The following MYH14 variants were observed in gnomAD, a reference collection of about 807,000 sequenced individuals.
MYH14 encodes the protein myosin-14.
Under a neutral mutation model 255.5 loss-of-function variants are expected in MYH14, and 123 were observed. The observed-to-expected ratio is 0.48, with a 90% CI of 0.42 to 0.56. The LOEUF is 0.56. Ranked by LOEUF, MYH14 falls within the 20% of genes least tolerant of loss-of-function variation. MYH14 has a pLI of 0.00. For missense variants in MYH14, 2,423 were observed against 2,802.3 expected (o/e 0.86, Z 3.06); for synonymous variants, 1,095 against 1,161.2 (o/e 0.94, Z 1.16).
At chr19:50,236,312 G>T (rs1386919939) in intron 10 of MYH14, among the ~76,000 whole-genome samples, 2 of 152,070 alleles carry the variant, frequency 1.3e-5, no homozygotes, top group Non-Finnish European at 2.9e-5. Context: ...CAGCCTGGGC[G>T]ACAAAGTGAG....
intron 40 of MYH14, among the ~76,000 whole-genome samples, chr19:50,302,717 A>G (rs1304012103): frequency 6.6e-6 from 1 of 152,098 alleles, no homozygotes; most frequent in Non-Finnish European, 1.5e-5. Context: ...CCTGACCAAC[A>G]TGGAGAAACT....
At chr19:50,264,048 T>C (rs1419997201) in intron 22 of MYH14, among the ~76,000 whole-genome samples, 1 of 39,438 alleles carries the variant, frequency 2.5e-5, no homozygotes, top group Non-Finnish European at 4.6e-5. Context: ...ACAGCAAAAC[T>C]CTGTCTCAAA....
chr19:50,217,812 TCAACGGGGG>T, intron 3 of MYH14, 41 bp downstream of exon 3: 1 of 1,601,864 alleles, frequency 6.2e-7, no homozygotes, highest in Non-Finnish European at 8.5e-7. Context: ...AGGCGGCTCT[TCAACGGGGG>T]CCTGACCTGG....
intron 11 of MYH14, among the ~76,000 whole-genome samples, chr19:50,245,518 G>A (rs1398156978): frequency 6.6e-6 from 1 of 151,968 alleles, no homozygotes; most frequent in Non-Finnish European, 1.5e-5. Context: ...AGAGATAATT[G>A]CTGCTCACAT....
rs774041150 is a variant in MYH14, at chr19:50,309,138, C to T, written c.5921C>T (p.Ser1974Phe). The T allele has an allele frequency of 7.4e-6, 12 of 1,613,748 alleles. No homozygotes were observed. The highest frequency in any genetic ancestry group is 1.0e-5 in the Non-Finnish European group (12 of 1,179,828). Residue 1974 changes from serine to phenylalanine, a missense_variant, in exon 42 of 43, where the codon TCC (serine) becomes TTC (phenylalanine). Around this residue, in one of 3 missense-constraint regions of MYH14, gnomAD observed 1,513 missense variants for 1,674.8 expected, o/e 0.90. Transcript: ENST00000642316. ...GAAGATGTCACAGAGTCGGCCGAGT[C>T]CATGAACCGTGAAGTGACCACACTG... ...ELEDVTESAE[S>F]MNREVTTLRN...
At chr19:50,247,236 G>T in intron 12 of MYH14, 114 bp downstream of exon 12, 1 of 722,172 alleles carries the variant, frequency 1.4e-6, no homozygotes, top group Non-Finnish European at 2.4e-6. Context: ...CTGAGTGCCC[G>T]CTCCGTTACC....
Position 50,310,204 on chromosome 19 carries a change from C to T in MYH14, c.*414C>T. The T allele has an allele frequency of 3.8e-6, 1 of 264,464 alleles. No homozygotes were observed. The highest frequency in any genetic ancestry group is 7.2e-6 in the Non-Finnish European group (1 of 138,808). 16.4% of individuals were successfully genotyped at this position (264,464 alleles called of 1,614,324 possible). On this transcript the variant is annotated 3_prime_UTR_variant, in exon 43 of 43. Transcript: ENST00000642316. ...CTCTCTCTCTCTCTCCCTCCCTCTC[C>T]TTCCCTACCCTCTCACCATCTTTCT...
intron 13 of MYH14, 168 bp from the exon 14 acceptor site, chr19:50,249,482 C>T (rs1016419244): frequency 1.3e-6 from 1 of 767,040 alleles, no homozygotes; most frequent in South Asian, 1.8e-5. Flanking sequence ...GGCTCTGTCC[C>T]CTGTCTCTGG....
At chr19:50,229,939 G>C (rs1009115860) in intron 8 of MYH14, among the ~76,000 whole-genome samples, 1 of 152,146 alleles carries the variant, frequency 6.6e-6, no homozygotes, top group African/African-American at 2.4e-5. Context: ...TTTTGTGACA[G>C]AGTCTCACTC....
chr19:50,260,821 AAGTGTGTG>A (rs2034811288), intron 20 of MYH14, 106 bp downstream of exon 20: 21 of 765,056 alleles, frequency 2.7e-5, no homozygotes, highest in African/African-American at 5.9e-5. Context: ...GTGTGTGTGC[AAGTGTGTG>A]TGCATGCACG....
At chr19:50,278,636 C>T (rs1457668826) in intron 30 of MYH14, among the ~76,000 whole-genome samples, 2 of 151,640 alleles carry the variant, frequency 1.3e-5, no homozygotes, top group African/African-American at 2.4e-5. Flanking sequence ...CCTGGGAGGT[C>T]GAGGCTGCAA....
At position 50,273,601 on chromosome 19, in the gene MYH14, G is replaced by GTGTGTGTGTGTGTGTGTGTGTGTGT. The variant is rs1555772397; in HGVS notation, c.3467+870_3467+871insTGTGTGTGTGTGTGTGTGTGTGTGT. Among the ~76,000 whole-genome samples the GTGTGTGTGTGTGTGTGTGTGTGTGT allele has an allele frequency of 1.5e-3, 202 of 137,574 alleles. 1 individual carries two copies. The highest frequency in any genetic ancestry group is 2.3e-3 in the African/African-American group (87 of 37,176). 90.3% of individuals were successfully genotyped at this position (137,574 alleles called of 152,430 possible). ...ATCTTAGAGTTGATGGAACATGGGGGGTGTGTGTGTGTGTGTGTGTGTGTG... is the reference window on the plus strand; with the variant it reads ...ATCTTAGAGTTGATGGAACATGGGGGTGTGTGTGTGTGTGTGTGTGTGTGTGTGTGTGTGTGTGTGTGTGTGTGTG... On this transcript the variant is annotated intron_variant, in intron 27 of 42. Transcript: ENST00000642316.
At chr19:50,261,669 G>C (rs748769699) in intron 21 of MYH14, 34 bp downstream of exon 21, 1 of 1,547,040 alleles carries the variant, frequency 6.5e-7, no homozygotes, top group African/African-American at 1.4e-5. Context: ...GGGTCCTGTT[G>C]GCCGAGACTG....
intron 10 of MYH14, among the ~76,000 whole-genome samples, chr19:50,243,921 C>T (rs917989534): frequency 3.3e-5 from 5 of 151,816 alleles, no homozygotes; most frequent in Admixed American, 6.6e-5. Context: ...TAAACTCAAC[C>T]GGAATTCACC....
In MYH14 at chr19:50,276,302, T is replaced by C. The variant is rs1040499946; in HGVS notation, c.3680+99T>C. On this transcript the variant is annotated intron_variant, in intron 28 of 42. Coordinates refer to ENST00000642316, the MANE Select transcript of MYH14 (RefSeq NM_001145809.2). The surrounding 1 kb of genome is among the most constrained non-coding windows in gnomAD (Gnocchi z 4.3). ...CTCTGTCTATACAGAGGCTTACTTA[T>C]TGTACAGTTGTTCATGAACCACCGG... 18 of 982,484 alleles carry C rather than the reference T, an allele frequency of 1.8e-5. No homozygotes were observed. In the Admixed American group the frequency reaches 4.3e-4, roughly 23 times the overall value. The allele number at this position is 982,484 out of a possible 1,614,324, so 60.9% of individuals were successfully genotyped here.
chr19:50,288,918 T>C (rs2035977130), intron 34 of MYH14, among the ~76,000 whole-genome samples: 1 of 152,000 alleles, frequency 6.6e-6, no homozygotes, highest in African/African-American at 2.4e-5. Flanking sequence ...TCACAGCATT[T>C]GGGGGTTTAA....
intron 41 of MYH14, chr19:50,308,377 C>T (rs566759420): frequency 6.6e-6 from 1 of 152,328 alleles, no homozygotes; most frequent in East Asian, 1.9e-4. Flanking sequence ...TTCCTAGATG[C>T]CAGAATTTAT....
rs1453253235 is a variant in MYH14 at position 50,276,249 on chromosome 19, G to C, written c.3680+46G>C. On this transcript the variant is annotated intron_variant, in intron 28 of 42. Coordinates refer to ENST00000642316, the MANE Select transcript of MYH14 (RefSeq NM_001145809.2). This position sits in a 1 kb window ranked among gnomAD's most constrained non-coding sequence, Gnocchi z 4.3. ...GCTGTCACAGCCTGTGCACATACAG[G>C]GCTGGGGGAAGGACTTAGGTACAAA... is the stretch of plus-strand genomic sequence containing the variant. The C allele has an allele frequency of 2.2e-6, 3 of 1,374,658 alleles. No homozygotes were observed. The highest frequency in any genetic ancestry group is 4.7e-5 in the Admixed American group (2 of 43,006). The allele number at this position is 1,374,658 out of a possible 1,614,324, so 85.2% of individuals were successfully genotyped here. A position where few individuals can be genotyped will look rare whatever the true frequency, so the allele number is the denominator to read the frequency against.
At position 50,293,395 on chromosome 19, in the gene MYH14, C is replaced by G. The variant is rs1425851182; in HGVS notation, c.5345+74C>G. The G allele has an allele frequency of 1.5e-5, 23 of 1,519,604 alleles. No homozygotes were observed. The highest frequency in any genetic ancestry group is 1.9e-5 in the Non-Finnish European group (21 of 1,115,138). 94.1% of individuals were successfully genotyped at this position (1,519,604 alleles called of 1,614,324 possible). ...TGAAGCTGGGGTAGGCTGGAGGTGG[C>G]TGGGCTCTGGGACAGGAAACTGGGA... On this transcript the variant is annotated intron_variant, in intron 38 of 42. Coordinates refer to ENST00000642316, the MANE Select transcript of MYH14 (RefSeq NM_001145809.2). The surrounding 1 kb of genome is among the most constrained non-coding windows in gnomAD (Gnocchi z 4.1).
Sources: allele counts gnomAD v4.1 joint callset (sites outside exome capture counted in the v4.1 genomes callset), GRCh38; gene constraint gnomAD v4.1.1; regional missense constraint gnomAD v4.1.1; non-coding constraint Gnocchi (gnomAD v3.1); transcripts MANE v1.5; gene names NCBI Gene and HGNC (gene_info 2026-07-23, HGNC 2026-07-21).